The following SPATA13 variants were observed in gnomAD, a reference collection of about 807,000 sequenced individuals.
The protein encoded by SPATA13 is spermatogenesis-associated protein 13.
SPATA13 carries 50 observed loss-of-function variants against 104.0 expected under a neutral mutation model. The ratio of observed to expected loss-of-function variants is 0.48; its 90% CI spans 0.38 to 0.61. The LOEUF (loss-of-function observed/expected upper bound fraction) is 0.61, where lower values mean the gene tolerates loss of function less well. Among genes scored for constraint, SPATA13 ranks in the 20% least tolerant of loss-of-function variants. The probability of loss-of-function intolerance (pLI) is 0.00; values close to 1 mark genes in which losing one functional copy is unlikely to be tolerated. For synonymous variants in SPATA13, 606 were observed against 667.5 expected (o/e 0.91, Z 1.42); for missense variants, 1,524 against 1,690.6 (o/e 0.90, Z 1.73).
intron 2 of SPATA13, among the ~76,000 whole-genome samples, chr13:24,002,502 GGTTGGCTTAGGGAAACACCA>G (rs1351941425): frequency 2.0e-5 from 3 of 152,148 alleles, no homozygotes; most frequent in Non-Finnish European, 4.4e-5. Context: ...CTGAAAGCAC[GGTTGGCTTAGGGAAACACCA>G]GATCGGCCTC....
chr13:24,006,151 T>C (rs1240959486), intron 2 of SPATA13, among the ~76,000 whole-genome samples: 1 of 152,168 alleles, frequency 6.6e-6, no homozygotes, highest in African/African-American at 2.4e-5. Context: ...AGGTGAGAGG[T>C]TAATAATTGA....
At chr13:23,988,412 C>T (rs1366711280) in intron 2 of SPATA13, among the ~76,000 whole-genome samples, 2 of 152,204 alleles carry the variant, frequency 1.3e-5, no homozygotes, top group Non-Finnish European at 2.9e-5. Flanking sequence ...TAACATATTA[C>T]ATAAACCAGT....
intron 2 of SPATA13, among the ~76,000 whole-genome samples, chr13:23,999,069 G>A (rs1875826891): frequency 6.6e-6 from 1 of 151,906 alleles, no homozygotes; most frequent in African/African-American, 2.4e-5. Context: ...GGGATTACAG[G>A]CACATGCCAC....
At chr13:24,148,914 GTGTT>G (rs112694222) in intron 3 of SPATA13, among the ~76,000 whole-genome samples, 9,756 of 152,200 alleles carry the variant, frequency 0.064, 766 homozygotes, top group African/African-American at 0.19. Context: ...GTTTCCATGA[GTGTT>G]TGTTTATACC....
At chr13:24,235,835 G>C (rs1258714488) in intron 2 of SPATA13, among the ~76,000 whole-genome samples, 1 of 152,186 alleles carries the variant, frequency 6.6e-6, no homozygotes, top group African/African-American at 2.4e-5. Context: ...CTGAGAACTA[G>C]AATTTTTACC....
chr13:24,156,591 T>G (rs1882262631), upstream of SPATA13, among the ~76,000 whole-genome samples: 1 of 152,200 alleles, frequency 6.6e-6, no homozygotes, highest in African/African-American at 2.4e-5. Flanking sequence ...CATTATTCTG[T>G]CATCCTAGGA....
intron 3 of SPATA13, among the ~76,000 whole-genome samples, chr13:24,144,676 A>G (rs553226869): frequency 2.5e-4 from 38 of 150,918 alleles, no homozygotes; most frequent in African/African-American, 8.8e-4. Context: ...CCGCTGCAGC[A>G]GCCACCGAGA....
chr13:24,197,157 A>G lies in SPATA13; in HGVS notation c.-111-25662A>G, dbSNP rs1231270452. 3.9e-5 allele frequency among the ~76,000 whole-genome samples: 6 copies of G among 152,360 alleles called. No homozygotes were observed. In the South Asian group the frequency reaches 8.3e-4, roughly 21 times the overall value. ...AAAAGACCCATCTTTAGAGGAAGAC[A>G]TATATCTTTAATTTACTCTCCAGGT... On this transcript the variant is annotated intron_variant, in intron 1 of 12. Coordinates refer to ENST00000382108, the MANE Select transcript of SPATA13 (RefSeq NM_001166271.3).
Position 24,167,888 on chromosome 13 carries a change from A to G in SPATA13, c.-112+6956A>G, listed in dbSNP as rs140477407. 7.2e-5 allele frequency among the ~76,000 whole-genome samples: 11 copies of G among 152,356 alleles called. 2 individuals are homozygous for G. Among genetic ancestry groups the G allele is most frequent in the African/African-American group, 2.6e-4 (11 of 41,588 alleles). On this transcript the variant is annotated intron_variant, in intron 1 of 12. Coordinates refer to ENST00000382108, the MANE Select transcript of SPATA13 (RefSeq NM_001166271.3). ...CATTCAGCAAATGTTGAGCAACTGCATCGGCCCTGACACTGAGCTCACAGT... is the reference window on the plus strand; with the variant it reads ...CATTCAGCAAATGTTGAGCAACTGCGTCGGCCCTGACACTGAGCTCACAGT...
At chr13:24,118,975 G>A (rs540177474) in intron 3 of SPATA13, among the ~76,000 whole-genome samples, 1 of 150,052 alleles carries the variant, frequency 6.7e-6, no homozygotes, top group East Asian at 1.9e-4. Context: ...GTGTGATCTC[G>A]GCTTACTGCA....
In SPATA13 at chr13:24,013,986, A is replaced by G. The variant is rs182611393; in HGVS notation, c.-146-3681A>G. Among the ~76,000 whole-genome samples, 32 of 152,246 alleles carry G rather than the reference A, an allele frequency of 2.1e-4. No individual in the cohort carries two copies. The East Asian group carries it at 5.6e-3, about 27-fold the overall frequency. ...TCGATGTGCAAGTCTGGAGTGTGCTAGAGTCAGAGCCTCCAAACCCGTCAC... is the reference window on the plus strand; with the variant it reads ...TCGATGTGCAAGTCTGGAGTGTGCTGGAGTCAGAGCCTCCAAACCCGTCAC... On this transcript the variant is annotated intron_variant, in intron 2 of 14. Coordinates refer to the SPATA13 transcript ENST00000424834.
chr13:24,193,129 TG>T (rs1869864933), intron 1 of SPATA13, among the ~76,000 whole-genome samples: 1 of 152,120 alleles, frequency 6.6e-6, no homozygotes, highest in Non-Finnish European at 1.5e-5. Context: ...AGTGACTGAC[TG>T]GGGAGGACCT....
In SPATA13 at chr13:24,154,529, G is replaced by C. The variant is rs149791031; in HGVS notation, c.-111-68290G>C. 6.2e-3 allele frequency among the ~76,000 whole-genome samples: 951 copies of C among 152,256 alleles called. 16 individuals are homozygous for C. The highest frequency in any genetic ancestry group is 0.022 in the African/African-American group (898 of 41,536). ...TTGGGGTACTGGGCATTGCTAACGG[G>C]GGGGAGGGGCACATAAGGGAGTCTT... On this transcript the variant is annotated intron_variant, in intron 3 of 14. Coordinates refer to the SPATA13 transcript ENST00000424834.
At chr13:24,204,085 G>A (rs1365074833) in intron 1 of SPATA13, among the ~76,000 whole-genome samples, 3 of 152,150 alleles carry the variant, frequency 2.0e-5, no homozygotes, top group African/African-American at 7.2e-5. Context: ...CAGGGGGAGT[G>A]TGGCTTCCTG....
rs564602843 is a variant in SPATA13 at position 24,062,404 on chromosome 13, C to T, written c.-112+44703C>T. Among the ~76,000 whole-genome samples the T allele has an allele frequency of 5.3e-5, 8 of 152,314 alleles. No homozygotes were observed. The South Asian group carries it at 1.5e-3, about 28-fold the overall frequency. ...ATCAGGACGAAGAGAGCTGAGGGCA[C>T]ACAGTCAGGATGAAATTCTTCTCCA... On this transcript the variant is annotated intron_variant, in intron 3 of 14. Coordinates refer to the SPATA13 transcript ENST00000424834.
In SPATA13 at chr13:24,048,502, C is replaced by T. The variant is rs527516079; in HGVS notation, c.-112+30801C>T. Among the ~76,000 whole-genome samples, 315 of 151,700 alleles carry T rather than the reference C, an allele frequency of 2.1e-3. 2 individuals carry two copies. The highest frequency in any genetic ancestry group is 3.1e-3 in the Non-Finnish European group (212 of 67,938). ...GAAGAGGATCTTACATTCATAATTT[C>T]GTGTAATAATACATATAAAATTTAC... On this transcript the variant is annotated intron_variant, in intron 3 of 14. Coordinates refer to the SPATA13 transcript ENST00000424834.
At chr13:24,281,250 A>C (rs4145023) in intron 4 of SPATA13, among the ~76,000 whole-genome samples, 89,725 of 152,026 alleles carry the variant, frequency 0.59, 27,255 homozygotes, top group East Asian at 1. Flanking sequence ...TCCCCCTCCA[A>C]CCCCGTCTCT....
Position 24,303,412 on chromosome 13 carries a change from G to C in SPATA13, c.*639G>C, listed in dbSNP as rs9580931. On this transcript the variant is annotated 3_prime_UTR_variant, in exon 13 of 13. Transcript: ENST00000382108. ...TTCCTGCAAGCAAAGTGGAGAGAAA[G>C]AAGATGCATCTGTCACCTTCATCAG... 0.36 allele frequency: 72,248 copies of C among 202,298 alleles called. 13,609 individuals carry two copies. The highest frequency in any genetic ancestry group is 0.59 in the East Asian group (3,606 of 6,090). 12.5% of individuals were successfully genotyped at this position (202,298 alleles called of 1,614,324 possible). A position where few individuals can be genotyped will look rare whatever the true frequency, so the allele number is the denominator to read the frequency against.
At chr13:24,054,809 T>A (rs1226375490) in intron 3 of SPATA13, among the ~76,000 whole-genome samples, 1 of 152,202 alleles carries the variant, frequency 6.6e-6, no homozygotes, top group Admixed American at 6.5e-5. Context: ...TTTTTTAAAC[T>A]GGAAAAATGA....
Sources: gnomAD v4.1 joint callset for allele counts (sites outside exome capture counted in the v4.1 genomes callset) on GRCh38, gnomAD v4.1.1 for gene constraint, MANE v1.5 for transcripts, NCBI Gene and HGNC (gene_info 2026-07-23, HGNC 2026-07-21) for gene names.